RALGAPA2: variants seen among roughly 807,000 people sequenced by gnomAD.
RALGAPA2 encodes Ral GTPase activating protein catalytic subunit alpha 2.
In RALGAPA2, 139 loss-of-function variants were observed where a neutral mutation model predicts 230.4. That is an observed-to-expected ratio of 0.60 (90% CI 0.53 to 0.69). The LOEUF (loss-of-function observed/expected upper bound fraction) is 0.69. Among genes scored for constraint, RALGAPA2 ranks in the 30% least tolerant of loss-of-function variants. The pLI, the probability that RALGAPA2 is intolerant of heterozygous loss-of-function variation, is 0.00. For missense variants in RALGAPA2, 2,163 were observed against 2,276.0 expected (o/e 0.95, Z 1.01); for synonymous variants, 847 against 837.8 (o/e 1.01, Z -0.19).
chr20:20,648,436 A>C (rs2067289031), intron 4 of RALGAPA2, among the ~76,000 whole-genome samples: 1 of 152,158 alleles, frequency 6.6e-6, no homozygotes, highest in African/African-American at 2.4e-5. Context: ...GATGGTAGTA[A>C]TGATTTCATA....
At chr20:20,409,919 T>C (rs1261887647) in intron 38 of RALGAPA2, among the ~76,000 whole-genome samples, 1 of 152,214 alleles carries the variant, frequency 6.6e-6, no homozygotes, top group African/African-American at 2.4e-5. Context: ...CACTTAAGGA[T>C]AGGCATGATA....
intron 37 of RALGAPA2, among the ~76,000 whole-genome samples, chr20:20,460,314 G>A (rs2061272406): frequency 2.0e-5 from 3 of 152,174 alleles, no homozygotes; most frequent in African/African-American, 7.2e-5. Flanking sequence ...TTTAGAGTAA[G>A]GAAACTGACA....
At chr20:20,518,521 A>C (rs1296591173) in intron 31 of RALGAPA2, among the ~76,000 whole-genome samples, 1 of 152,188 alleles carries the variant, frequency 6.6e-6, no homozygotes, top group Non-Finnish European at 1.5e-5. Context: ...AAGGACGTGC[A>C]CACCAATATG....
At chr20:20,518,075 G>A (rs1030941185) in intron 31 of RALGAPA2, among the ~76,000 whole-genome samples, 6 of 151,804 alleles carry the variant, frequency 4.0e-5, no homozygotes, top group East Asian at 1.9e-4. Flanking sequence ...TTTTCCCCCC[G>A]AGATGGAGTC....
intron 36 of RALGAPA2, 60 bp from the exon 37 acceptor site, chr20:20,473,016 T>A: frequency 6.6e-7 from 1 of 1,510,306 alleles, no homozygotes; most frequent in Non-Finnish European, 9.0e-7. Context: ...ATCAAAGATA[T>A]GAGAGTAGCT....
chr20:20,658,849 T>C (rs544881643), intron 3 of RALGAPA2, among the ~76,000 whole-genome samples: 68 of 152,370 alleles, frequency 4.5e-4, no homozygotes, highest in African/African-American at 1.6e-3. Flanking sequence ...ATCAGATGAC[T>C]GCAACATGTC....
chr20:20,536,102 G>T (rs2145608534), intron 25 of RALGAPA2, among the ~76,000 whole-genome samples: 1 of 152,286 alleles, frequency 6.6e-6, no homozygotes, highest in South Asian at 2.1e-4. Context: ...TACTTCAATT[G>T]AATTATATGT....
intron 38 of RALGAPA2, among the ~76,000 whole-genome samples, chr20:20,406,074 G>A (rs751932789): frequency 5.9e-5 from 9 of 152,184 alleles, no homozygotes; most frequent in Middle Eastern, 3.2e-3. Flanking sequence ...ACCACAAGTC[G>A]GATGGCACTA....
At chr20:20,627,969 G>A (rs911550614) in intron 10 of RALGAPA2, among the ~76,000 whole-genome samples, 1 of 151,990 alleles carries the variant, frequency 6.6e-6, no homozygotes, top group African/African-American at 2.4e-5. Context: ...TGTAATTTGG[G>A]GTGAAACAAA....
chr20:20,430,586 G>A (rs2060480376), intron 37 of RALGAPA2, among the ~76,000 whole-genome samples: 1 of 152,232 alleles, frequency 6.6e-6, no homozygotes, highest in Admixed American at 6.5e-5. Flanking sequence ...TCCTGATCAA[G>A]TATACTGGTG....
intron 18 of RALGAPA2, among the ~76,000 whole-genome samples, chr20:20,586,115 G>T (rs2065126441): frequency 6.6e-6 from 1 of 152,142 alleles, no homozygotes. Context: ...AGACTCTTCT[G>T]CTTCTAACTA....
chr20:20,652,166 A>C (rs949819236), intron 4 of RALGAPA2, among the ~76,000 whole-genome samples: 6 of 152,232 alleles, frequency 3.9e-5, no homozygotes, highest in Admixed American at 6.5e-5. Flanking sequence ...CAGTCAATTC[A>C]ATTTTAATAA....
intron 17 of RALGAPA2, among the ~76,000 whole-genome samples, chr20:20,589,617 G>A (rs905211848): frequency 2.6e-5 from 4 of 151,982 alleles, no homozygotes; most frequent in South Asian, 2.1e-4. Context: ...TTCACTTAGC[G>A]CATTTATGTT....
At chr20:20,502,113 T>C (rs776379088) in intron 35 of RALGAPA2, among the ~76,000 whole-genome samples, 2 of 152,198 alleles carry the variant, frequency 1.3e-5, no homozygotes, top group Non-Finnish European at 2.9e-5. Flanking sequence ...GAGCATCTGC[T>C]GTTAGAAAAA....
chr20:20,417,487 C>T (rs937083214), intron 37 of RALGAPA2, among the ~76,000 whole-genome samples: 2 of 152,194 alleles, frequency 1.3e-5, no homozygotes, highest in African/African-American at 4.8e-5. Context: ...ATGTGTCTCT[C>T]ATAAAGGACA....
chr20:20,636,560 G>GTGTA, intron 8 of RALGAPA2, among the ~76,000 whole-genome samples: 1 of 147,128 alleles, frequency 6.8e-6, no homozygotes, highest in Non-Finnish European at 1.5e-5. Context: ...GTGTGTGTAT[G>GTGTA]TGTGTGTGTG....
At chr20:20,607,067 G>T (rs2146254249) in intron 14 of RALGAPA2, among the ~76,000 whole-genome samples, 1 of 152,276 alleles carries the variant, frequency 6.6e-6, no homozygotes, top group East Asian at 1.9e-4. Context: ...GCTTGCATGT[G>T]CATTGGCCCA....
chr20:20,704,336 T>A (rs528389723), intron 1 of RALGAPA2, among the ~76,000 whole-genome samples: 120 of 152,298 alleles, frequency 7.9e-4, no homozygotes, highest in Non-Finnish European at 1.2e-3. Context: ...TTCTCCTATA[T>A]AAACTCAAAT....
Position 20,584,899 on chromosome 20 carries a change from C to T in RALGAPA2, c.2496G>A (p.Gln832=), listed in dbSNP as rs1199001807. ...TTTCCCTACATTTTCCTTGTGTCTG[C>T]TGCAAATCATCTTTCAAATCCAATT... ...PAELDLKDDL[Q]QTQGKCRERQ... The change falls in exon 19 of 40, where the codon CAG becomes CAA. Residue 832 remains glutamine, a synonymous_variant. Coordinates refer to ENST00000202677, the MANE Select transcript of RALGAPA2 (RefSeq NM_020343.4). 11 of 1,611,850 alleles carry T rather than the reference C, an allele frequency of 6.8e-6. No homozygotes were observed. The highest frequency in any genetic ancestry group is 9.3e-6 in the Non-Finnish European group (11 of 1,178,750).
Sources: allele counts gnomAD v4.1 joint callset (sites outside exome capture counted in the v4.1 genomes callset), GRCh38; gene constraint gnomAD v4.1.1; transcripts MANE v1.5; gene names NCBI Gene and HGNC (gene_info 2026-07-23, HGNC 2026-07-21).